KAZN: variants seen among roughly 807,000 people sequenced by gnomAD.
KAZN encodes the protein kazrin.
In KAZN, 40 loss-of-function variants were observed where a neutral mutation model predicts 87.4. The observed-to-expected ratio is 0.46, with a 90% confidence interval of 0.36 to 0.60. The LOEUF is 0.60. Among genes scored for constraint, KAZN ranks in the 20% least tolerant of loss-of-function variants. KAZN has a pLI of 0.00. For missense variants in KAZN, 898 were observed against 1,073.9 expected (o/e 0.84, Z 2.29); for synonymous variants, 466 against 458.3 (o/e 1.02, Z -0.22).
chr1:14,712,833 T>G (rs1642558272), intron 1 of KAZN, among the ~76,000 whole-genome samples: 1 of 152,350 alleles, frequency 6.6e-6, no homozygotes, highest in Admixed American at 6.5e-5. Context: ...ATAGAATTAA[T>G]ACTGTCTTCT....
chr1:14,732,047 T>C (rs866368880), intron 1 of KAZN, among the ~76,000 whole-genome samples: 1 of 152,202 alleles, frequency 6.6e-6, no homozygotes, highest in Non-Finnish European at 1.5e-5. Flanking sequence ...AGTGCAGTGC[T>C]GTGGGATAGT....
At chr1:14,776,751 AC>A (rs2100621064) in intron 1 of KAZN, among the ~76,000 whole-genome samples, 1 of 152,026 alleles carries the variant, frequency 6.6e-6, no homozygotes, top group South Asian at 2.1e-4. Context: ...ACACAGAAAG[AC>A]CTTATCTCCA....
chr1:14,517,527 C>A (rs998570925), intron 2 of KAZN, among the ~76,000 whole-genome samples: 3 of 152,156 alleles, frequency 2.0e-5, no homozygotes, highest in Non-Finnish European at 4.4e-5. Context: ...ATCAAACTGA[C>A]AATAAGAAGC....
intron 1 of KAZN, among the ~76,000 whole-genome samples, chr1:14,168,635 G>C (rs1334245570): frequency 6.6e-6 from 1 of 152,138 alleles, no homozygotes; most frequent in Non-Finnish European, 1.5e-5. Context: ...TACAAAACTG[G>C]ATCGTATATT....
At chr1:14,576,592 T>C (rs932710308) in intron 2 of KAZN, among the ~76,000 whole-genome samples, 1 of 152,240 alleles carries the variant, frequency 6.6e-6, no homozygotes, top group African/African-American at 2.4e-5. Flanking sequence ...TTCTATGTAA[T>C]AAATTGATTA....
chr1:14,318,697 C>T (rs1333525649), intron 2 of KAZN, among the ~76,000 whole-genome samples: 1 of 152,054 alleles, frequency 6.6e-6, no homozygotes, highest in Non-Finnish European at 1.5e-5. Context: ...TATTGTCGTG[C>T]AATTCAATGA....
intron 2 of KAZN, among the ~76,000 whole-genome samples, chr1:14,429,260 T>G (rs1665910814): frequency 6.6e-6 from 1 of 152,198 alleles, no homozygotes. Context: ...CACAGGGCCC[T>G]CCTGGGTCTC....
At chr1:14,609,153 C>G (rs1458656000) in intron 1 of KAZN, among the ~76,000 whole-genome samples, 1 of 152,146 alleles carries the variant, frequency 6.6e-6, no homozygotes, top group Non-Finnish European at 1.5e-5. Context: ...GATTGCTTTT[C>G]CTATTCCTAT....
At chr1:14,977,714 GC>G (rs1665792761) in intron 2 of KAZN, among the ~76,000 whole-genome samples, 1 of 152,204 alleles carries the variant, frequency 6.6e-6, no homozygotes, top group African/African-American at 2.4e-5. Flanking sequence ...GGCTGGGACA[GC>G]CCTGGGTGGC....
At chr1:14,961,361 G>A (rs1479927309) in intron 2 of KAZN, among the ~76,000 whole-genome samples, 9 of 152,190 alleles carry the variant, frequency 5.9e-5, no homozygotes, top group Admixed American at 2.0e-4. Context: ...AGTGTCCAGG[G>A]GGTCTCTTGA....
chr1:14,704,949 A>G (rs2148811892), intron 1 of KAZN, among the ~76,000 whole-genome samples: 1 of 152,310 alleles, frequency 6.6e-6, no homozygotes, highest in Middle Eastern at 3.4e-3. Flanking sequence ...GCATAGGTGG[A>G]CAGTGTTTAT....
intron 1 of KAZN, among the ~76,000 whole-genome samples, chr1:14,915,313 A>G (rs896242981): frequency 2.6e-5 from 4 of 152,230 alleles, no homozygotes; most frequent in African/African-American, 9.6e-5. Context: ...ACTTTTAAGT[A>G]AGGAGTCTCC....
At chr1:14,963,466 A>G (rs1664118516) in intron 2 of KAZN, among the ~76,000 whole-genome samples, 1 of 152,184 alleles carries the variant, frequency 6.6e-6, no homozygotes, top group Admixed American at 6.5e-5. Context: ...CCCTCTGGGT[A>G]TGGTCGCAGG....
chr1:14,002,609 T>C (rs2101150482), intron 1 of KAZN, among the ~76,000 whole-genome samples: 1 of 152,330 alleles, frequency 6.6e-6, no homozygotes, highest in Non-Finnish European at 1.5e-5. Context: ...GAAAATGAAC[T>C]AATACACTCA....
chr1:13,946,589 C>T (rs2100984777), intron 1 of KAZN, among the ~76,000 whole-genome samples: 1 of 152,268 alleles, frequency 6.6e-6, no homozygotes, highest in Non-Finnish European at 1.5e-5. Context: ...TCACAACTGT[C>T]CCCTGCTCCA....
intron 1 of KAZN, among the ~76,000 whole-genome samples, chr1:14,046,904 G>A (rs538428828): frequency 1.8e-4 from 28 of 152,328 alleles, no homozygotes; most frequent in Admixed American, 1.8e-3. Context: ...ATCCCTATCA[G>A]GGAGGGACAA....
rs532126683 is a variant in KAZN at position 14,899,290 on chromosome 1, G to A, written c.227-61394G>A. ...TTGGGGCATGGCCACACCCAGTGAC[G>A]TGTCCCCTCTGGGCCCTCATTACCC... On this transcript the variant is annotated intron_variant, in intron 1 of 14. Coordinates refer to ENST00000376030, the MANE Select transcript of KAZN (RefSeq NM_201628.3). 1.6e-4 allele frequency among the ~76,000 whole-genome samples: 24 copies of A among 152,320 alleles called. 2 individuals carry two copies. In the South Asian group the frequency reaches 2.3e-3, roughly 14 times the overall value.
At chr1:14,618,279 C>G (rs929117466) in intron 1 of KAZN, among the ~76,000 whole-genome samples, 1 of 152,196 alleles carries the variant, frequency 6.6e-6, no homozygotes, top group African/African-American at 2.4e-5. Flanking sequence ...AGTTCTAGAC[C>G]GTCTTCTGCC....
In KAZN at chr1:14,969,563, C is replaced by T. The variant is rs112139761; in HGVS notation, c.418+8688C>T. Among the ~76,000 whole-genome samples the T allele has an allele frequency of 5.2e-3, 787 of 152,354 alleles. 5 individuals are homozygous for T. Among genetic ancestry groups the T allele is most frequent in the South Asian group, 0.012 (58 of 4,828 alleles). ...AAGTTTAACTCTACAGACAGAATGT[C>T]TTCCTTACATACTACCGGCTGCTTT... On this transcript the variant is annotated intron_variant, in intron 2 of 14. Transcript: ENST00000376030.
Sources: allele counts gnomAD v4.1 joint callset (sites outside exome capture counted in the v4.1 genomes callset), GRCh38; gene constraint gnomAD v4.1.1; transcripts MANE v1.5; gene names NCBI Gene and HGNC (gene_info 2026-07-23, HGNC 2026-07-21).